The following PIWIL4 variants were observed in gnomAD, a reference collection of about 807,000 sequenced individuals.
PIWIL4 encodes piwi-like protein 4.
PIWIL4 carries 50 observed loss-of-function variants against 100.9 expected under a neutral mutation model. That is an observed-to-expected ratio of 0.50 (90% CI 0.39 to 0.63). The LOEUF (loss-of-function observed/expected upper bound fraction) is 0.63, where lower values mean the gene tolerates loss of function less well. Among genes scored for constraint, PIWIL4 ranks in the 20% least tolerant of loss-of-function variants. The probability of loss-of-function intolerance (pLI) is 0.00; values close to 1 mark genes in which losing one functional copy is unlikely to be tolerated. For missense variants in PIWIL4, 887 were observed against 1,043.3 expected (o/e 0.85, Z 2.06); for synonymous variants, 342 against 367.5 (o/e 0.93, Z 0.79).
intron 5 of PIWIL4, 119 bp from the exon 6 acceptor site, chr11:94,585,326 A>G: frequency 1.6e-6 from 1 of 639,592 alleles, no homozygotes; most frequent in East Asian, 2.8e-5. Context: ...CAGTCCTGTG[A>G]GAATGAGAGG....
chr11:94,578,680 G>A (rs770397775), intron 4 of PIWIL4, among the ~76,000 whole-genome samples: 146 of 152,318 alleles, frequency 9.6e-4, no homozygotes, highest in Non-Finnish European at 1.7e-3. Context: ...AATCATAGCA[G>A]AATTCATATT....
intron 6 of PIWIL4, among the ~76,000 whole-genome samples, chr11:94,586,072 C>T (rs866512567): frequency 1.4e-4 from 21 of 151,890 alleles, no homozygotes; most frequent in South Asian, 6.2e-4. Flanking sequence ...GTAGCCCAAA[C>T]GTAGATTCAT....
intron 2 of PIWIL4, 82 bp downstream of exon 2, chr11:94,568,890 G>C: frequency 8.2e-7 from 1 of 1,220,164 alleles, no homozygotes; most frequent in Non-Finnish European, 1.2e-6. Flanking sequence ...TACAGCAGTA[G>C]GCCCACCTCT....
chr11:94,573,602 C>T (rs995296063), intron 2 of PIWIL4, among the ~76,000 whole-genome samples: 10 of 152,058 alleles, frequency 6.6e-5, no homozygotes, highest in African/African-American at 1.9e-4. Flanking sequence ...TATTGATTTG[C>T]GTGTGTTGAA....
intron 12 of PIWIL4, 118 bp downstream of exon 12, chr11:94,602,097 C>T: frequency 1.1e-6 from 1 of 907,648 alleles, no homozygotes; most frequent in Non-Finnish European, 1.6e-6. Flanking sequence ...TGTAAAGTGC[C>T]AAGAAAGTAG....
At chr11:94,607,412 A>G (rs771106141) in intron 13 of PIWIL4, 27 bp from the exon 14 acceptor site, 2 of 1,593,748 alleles carry the variant, frequency 1.3e-6, no homozygotes. Flanking sequence ...ATTAACTTCC[A>G]AAATCTTTTG....
chr11:94,599,716 T>A (rs2135280017), intron 11 of PIWIL4, among the ~76,000 whole-genome samples: 1 of 152,340 alleles, frequency 6.6e-6, no homozygotes, highest in Non-Finnish European at 1.5e-5. Flanking sequence ...GTCAGAGTGC[T>A]TGGTCACAAG....
At chr11:94,616,612 G>A (rs768148566) in intron 16 of PIWIL4, 49 bp downstream of exon 16, 1 of 1,446,996 alleles carries the variant, frequency 6.9e-7, no homozygotes, top group South Asian at 1.2e-5. Flanking sequence ...TGTTCCTTCA[G>A]ACCTCAAATC....
At chr11:94,594,078 C>T (rs1591791536) in intron 9 of PIWIL4, among the ~76,000 whole-genome samples, 1 of 152,252 alleles carries the variant, frequency 6.6e-6, no homozygotes, top group Middle Eastern at 3.4e-3. Flanking sequence ...TTTTGACTAA[C>T]AGGTAGGCCT....
At chr11:94,580,914 T>A (rs992439632) in intron 4 of PIWIL4, among the ~76,000 whole-genome samples, 3 of 126,048 alleles carry the variant, frequency 2.4e-5, no homozygotes, top group Non-Finnish European at 5.0e-5. Context: ...TTTTTTTTTT[T>A]GGAGAAGGAG....
In PIWIL4 at chr11:94,590,365, C is replaced by A. The variant is rs116447724; in HGVS notation, c.1026+1133C>A. ...CCTTGACTCCTGGGACACATCCCTGCGGTTCTCTGCTACTTTCAGGTTGTT... is the reference window on the plus strand; with the variant it reads ...CCTTGACTCCTGGGACACATCCCTGAGGTTCTCTGCTACTTTCAGGTTGTT... On this transcript the variant is annotated intron_variant, in intron 8 of 19. Coordinates refer to ENST00000299001, the MANE Select transcript of PIWIL4 (RefSeq NM_152431.3). 8.7e-3 allele frequency among the ~76,000 whole-genome samples: 1,329 copies of A among 152,246 alleles called. 18 individuals are homozygous for A. The highest frequency in any genetic ancestry group is 0.03 in the African/African-American group (1,257 of 41,532).
At chr11:94,576,710 G>T (rs118136100) in intron 3 of PIWIL4, among the ~76,000 whole-genome samples, 2 of 152,120 alleles carry the variant, frequency 1.3e-5, no homozygotes, top group African/African-American at 2.4e-5. Context: ...TTTTCACGTC[G>T]GAAAAATGAC....
intron 15 of PIWIL4, among the ~76,000 whole-genome samples, chr11:94,614,739 A>G (rs1418333228): frequency 2.0e-5 from 3 of 152,128 alleles, no homozygotes; most frequent in Non-Finnish European, 4.4e-5. Flanking sequence ...CCAGCTAGGG[A>G]TTCTGAGGCT....
intron 15 of PIWIL4, among the ~76,000 whole-genome samples, chr11:94,613,803 C>T (rs1948812594): frequency 6.6e-6 from 1 of 152,150 alleles, no homozygotes; most frequent in South Asian, 2.1e-4. Flanking sequence ...TCACACTCAC[C>T]CAGGGCTGGA....
In PIWIL4 at chr11:94,608,574, A is replaced by G; in HGVS notation, c.1840-9A>G. 6.2e-7 allele frequency: 1 copy of G among 1,610,910 alleles called. No homozygotes were observed. The highest frequency in any genetic ancestry group is 8.5e-7 in the Non-Finnish European group (1 of 1,177,418). ...ATCCCATTAAATCATGACAAATTTA[A>G]TTTTATAGTTAAAGTCCCTGATGGT... is the stretch of plus-strand genomic sequence containing the variant. On this transcript the variant is annotated splice_polypyrimidine_tract_variant and intron_variant, in intron 14 of 19. Transcript: ENST00000299001.
At position 94,593,623 on chromosome 11, in the gene PIWIL4, G is replaced by A; in HGVS notation, c.1132G>A (p.Glu378Lys). The A allele has an allele frequency of 6.2e-7, 1 of 1,613,872 alleles. No individual in the cohort carries two copies. Residue 378 changes from glutamate (E) to lysine (K), a missense_variant, in exon 9 of 20, where the codon GAG becomes AAG. Physicochemically the swap from Glu to Lys is moderately conservative, Grantham distance 56 (BLOSUM62 1). This residue lies in a region of PIWIL4 where 741 missense variants were observed against 930.0 expected (regional missense o/e 0.80). Coordinates refer to ENST00000299001, the MANE Select transcript of PIWIL4 (RefSeq NM_152431.3). ...GGCTCAGCTCGCCCACCTGATACCT[G>A]AGCTCTGCTTTCTAACAGGTAATGT... ...SEAQLAHLIPELCFLTGLTDQ... is the reference protein window; with the variant it reads ...SEAQLAHLIPKLCFLTGLTDQ...
intron 15 of PIWIL4, among the ~76,000 whole-genome samples, chr11:94,610,135 G>C (rs537040379): frequency 6.6e-6 from 1 of 151,920 alleles, no homozygotes; most frequent in African/African-American, 2.4e-5. Context: ...ATGTCTTTTT[G>C]TGTCTGGCTT....
intron 10 of PIWIL4, among the ~76,000 whole-genome samples, chr11:94,596,388 TCA>T (rs772619193): frequency 5.3e-5 from 8 of 152,070 alleles, no homozygotes; most frequent in Non-Finnish European, 8.8e-5. Context: ...AATGAGTGAA[TCA>T]CAATTGAATT....
intron 2 of PIWIL4, among the ~76,000 whole-genome samples, chr11:94,574,518 G>A (rs1251030357): frequency 1.3e-5 from 2 of 152,128 alleles, no homozygotes; most frequent in Non-Finnish European, 2.9e-5. Context: ...TTTTGTTTTT[G>A]TGAGACAGGG....
Sources: gnomAD v4.1 joint callset for allele counts (sites outside exome capture counted in the v4.1 genomes callset) on GRCh38, gnomAD v4.1.1 for gene constraint, gnomAD v4.1.1 regional missense constraint, MANE v1.5 for transcripts, NCBI Gene and HGNC (gene_info 2026-07-23, HGNC 2026-07-21) for gene names.